RNF216: variants seen among roughly 807,000 people sequenced by gnomAD.
RNF216 encodes the protein ring finger protein 216.
Under a neutral mutation model 110.8 loss-of-function variants are expected in RNF216, and 72 were observed. The ratio of observed to expected loss-of-function variants is 0.65; its 90% confidence interval spans 0.54 to 0.79. The LOEUF (loss-of-function observed/expected upper bound fraction) is 0.79. RNF216 is among the 30% of genes least tolerant of loss of function. The probability of loss-of-function intolerance (pLI) is 0.00; values close to 1 mark genes in which losing one functional copy is unlikely to be tolerated. For synonymous variants in RNF216, 495 were observed against 407.5 expected (o/e 1.21, Z -2.59); for missense variants, 1,342 against 1,141.2 (o/e 1.18, Z -2.54).
chr7:5,748,557 T>G (rs1184471652), intron 3 of RNF216, among the ~76,000 whole-genome samples: 1 of 151,996 alleles, frequency 6.6e-6, no homozygotes, highest in Non-Finnish European at 1.5e-5. Context: ...ATGATTTTCT[T>G]AACCTTTCCT....
At chr7:5,750,255 G>A (rs1271372614) in intron 3 of RNF216, among the ~76,000 whole-genome samples, 1 of 152,174 alleles carries the variant, frequency 6.6e-6, no homozygotes, top group Non-Finnish European at 1.5e-5. Context: ...GCAGGCTCAG[G>A]AACCTCCAGA....
intron 13 of RNF216, among the ~76,000 whole-genome samples, chr7:5,693,579 A>C (rs1791460581): frequency 6.6e-6 from 1 of 152,236 alleles, no homozygotes. Context: ...GCCAAGCTTA[A>C]AGAGGGAACT....
At chr7:5,740,104 C>CTTTTTTTTTTTTTTTTTTTTTTTTTTT (rs71004698) in intron 4 of RNF216, among the ~76,000 whole-genome samples, 2 of 118,502 alleles carry the variant, frequency 1.7e-5, no homozygotes, top group Non-Finnish European at 3.5e-5. Flanking sequence ...GATGTAACAC[C>CTTTTTTTTTTTTTTTTTTTTTTTTTTT]TTTTTTTTTT....
chr7:5,637,977 C>G (rs987533505), intron 15 of RNF216, among the ~76,000 whole-genome samples: 28 of 152,350 alleles, frequency 1.8e-4, no homozygotes, highest in Non-Finnish European at 1.3e-4. Context: ...TCCCGAGCAG[C>G]TGGGAGGCCC....
chr7:5,679,220 G>A (rs569697115), intron 13 of RNF216, among the ~76,000 whole-genome samples: 5 of 152,192 alleles, frequency 3.3e-5, no homozygotes, highest in South Asian at 2.1e-4. Context: ...GCGGGGGGGC[G>A]GTGCACACAG....
rs908768010 is a variant in RNF216, at chr7:5,631,259, T to C, written c.2383-7134A>G. ...AGCTTACCCAGAAGTGCATGTGCCA[T>C]CCCCTGAAACAGCCCACTTGTCGGC... is the stretch of plus-strand genomic sequence containing the variant. On this transcript the variant is annotated intron_variant, in intron 15 of 16. Coordinates refer to ENST00000389902, the MANE Select transcript of RNF216 (RefSeq NM_207111.4). Among the ~76,000 whole-genome samples the C allele has an allele frequency of 2.6e-5, 4 of 152,176 alleles. No homozygotes were observed. In the East Asian group the frequency reaches 5.8e-4, roughly 22 times the overall value.
chr7:5,660,948 T>G (rs796372959), intron 13 of RNF216, among the ~76,000 whole-genome samples: 296 of 131,640 alleles, frequency 2.2e-3, no homozygotes, highest in Non-Finnish European at 3.5e-3. Flanking sequence ...CTTAGGTTTT[T>G]TTTTTTTTTT....
chr7:5,746,248 C>T (rs75713038), intron 3 of RNF216, among the ~76,000 whole-genome samples: 3,992 of 152,246 alleles, frequency 0.026, 77 homozygotes, highest in Non-Finnish European at 0.04. Context: ...GAGCATTTGA[C>T]TTTGCAGTAC....
At chr7:5,691,697 G>A (rs921377100) in intron 13 of RNF216, among the ~76,000 whole-genome samples, 6 of 152,208 alleles carry the variant, frequency 3.9e-5, no homozygotes, top group Non-Finnish European at 7.3e-5. Context: ...TGGACACATG[G>A]TTCTGGCCAC....
intron 14 of RNF216, 133 bp from the exon 15 acceptor site, chr7:5,641,509 G>A (rs1787731994): frequency 1.4e-6 from 1 of 737,448 alleles, no homozygotes; most frequent in South Asian, 1.9e-5. Flanking sequence ...AGTGAAAAGA[G>A]CCTAGGTTTT....
chr7:5,648,789 T>C (rs1278621648), intron 14 of RNF216, among the ~76,000 whole-genome samples: 2 of 151,360 alleles, frequency 1.3e-5, no homozygotes, highest in Admixed American at 6.6e-5. Flanking sequence ...AGTTAAATGA[T>C]ACCACGAGAA....
At chr7:5,742,264 C>G (rs1794799807) in intron 3 of RNF216, among the ~76,000 whole-genome samples, 1 of 152,048 alleles carries the variant, frequency 6.6e-6, no homozygotes, top group Non-Finnish European at 1.5e-5. Context: ...CCACGCTCGT[C>G]TCAAACTCCT....
At chr7:5,739,808 C>G (rs1031763075) in intron 4 of RNF216, among the ~76,000 whole-genome samples, 14 of 152,082 alleles carry the variant, frequency 9.2e-5, no homozygotes, top group African/African-American at 3.4e-4. Context: ...CAAAACCAGC[C>G]TGGCCAACAT....
chr7:5,641,397 T>G, intron 14 of RNF216, 21 bp from the exon 15 acceptor site: 1 of 1,600,920 alleles, frequency 6.2e-7, no homozygotes, highest in Non-Finnish European at 8.6e-7. Flanking sequence ...AAAACATAAT[T>G]TGGAGCTGGG....
At chr7:5,632,774 T>C (rs933113262) in intron 15 of RNF216, among the ~76,000 whole-genome samples, 6 of 151,564 alleles carry the variant, frequency 4.0e-5, no homozygotes, top group African/African-American at 1.5e-4. Flanking sequence ...CAAAACTCCA[T>C]CTCCAAAAAA....
chr7:5,626,491 A>G (rs1786713409), intron 15 of RNF216, among the ~76,000 whole-genome samples: 1 of 151,820 alleles, frequency 6.6e-6, no homozygotes, highest in African/African-American at 2.4e-5. Context: ...AACTGGTGGG[A>G]GGATCACTTG....
intron 13 of RNF216, among the ~76,000 whole-genome samples, chr7:5,710,367 A>C: frequency 7.5e-6 from 1 of 134,072 alleles, no homozygotes; most frequent in Non-Finnish European, 1.6e-5. Context: ...CTCAAAACTT[A>C]AAAACAAAAA....
intron 4 of RNF216, among the ~76,000 whole-genome samples, chr7:5,739,895 C>T (rs538145121): frequency 1.5e-4 from 22 of 151,250 alleles, no homozygotes; most frequent in Admixed American, 1.2e-3. Context: ...CCCAGCTACT[C>T]GGGAGGCAGA....
intron 13 of RNF216, among the ~76,000 whole-genome samples, chr7:5,677,934 T>TA (rs1253536688): frequency 4.6e-5 from 7 of 152,190 alleles, no homozygotes; most frequent in African/African-American, 1.4e-4. Flanking sequence ...GCCCTGTTAT[T>TA]ACACACCCAC....
Sources: gnomAD v4.1 joint callset for allele counts (sites outside exome capture counted in the v4.1 genomes callset) on GRCh38, gnomAD v4.1.1 for gene constraint, MANE v1.5 for transcripts, NCBI Gene and HGNC (gene_info 2026-07-23, HGNC 2026-07-21) for gene names.